SFI1: variants seen among roughly 807,000 people sequenced by gnomAD.
SFI1 encodes the protein protein SFI1 homolog.
SFI1 carries 195 observed loss-of-function variants against 207.5 expected under a neutral mutation model. That is an observed-to-expected ratio of 0.94 (90% confidence interval 0.84 to 1.06). The LOEUF is 1.06. Among genes scored for constraint, SFI1 ranks in the 50% least tolerant of loss-of-function variants. The pLI is 0.00. For synonymous variants in SFI1, 630 were observed against 598.9 expected, an observed-to-expected ratio of 1.05 and a Z score of -0.76; for missense variants, 1,634 against 1,588.0, an observed-to-expected ratio of 1.03 and a Z score of -0.49.
At chr22:31,580,105 G>A (rs1436606742) in intron 11 of SFI1, 167 bp from the exon 12 acceptor site, 7 of 582,754 alleles carry the variant, frequency 1.2e-5, no homozygotes, top group African/African-American at 1.1e-4. Context: ...TAGGCTCCCA[G>A]TTGAATCTCA....
chr22:31,546,691 T>A (rs995324582), intron 4 of SFI1, among the ~76,000 whole-genome samples, 170 bp from the exon 5 acceptor site: 5 of 149,076 alleles, frequency 3.4e-5, no homozygotes, highest in African/African-American at 1.2e-4. Context: ...ATGGTCTCGA[T>A]CTCCTGACCT....
intron 12 of SFI1, among the ~76,000 whole-genome samples, chr22:31,583,248 G>A (rs964803243): frequency 1.3e-5 from 2 of 152,128 alleles, no homozygotes; most frequent in African/African-American, 4.8e-5. Flanking sequence ...CAAGTAGCTG[G>A]GTTTACAGGC....
chr22:31,560,350 A>C (rs1410916978), intron 7 of SFI1, among the ~76,000 whole-genome samples: 1 of 150,586 alleles, frequency 6.6e-6, no homozygotes, highest in Non-Finnish European at 1.5e-5. Context: ...AAGCCACTTG[A>C]TTGCAGATTA....
At chr22:31,606,845 G>A (rs1012842544) in intron 21 of SFI1, 2 of 160,402 alleles carry the variant, frequency 1.2e-5, no homozygotes, top group African/African-American at 4.8e-5. Context: ...CTACAGGCTT[G>A]CGCCACCACG....
At chr22:31,565,729 A>T (rs2062225836) in intron 8 of SFI1, among the ~76,000 whole-genome samples, 1 of 152,046 alleles carries the variant, frequency 6.6e-6, no homozygotes, top group Non-Finnish European at 1.5e-5. Context: ...AGTAAATGGT[A>T]TGGCTTTGTG....
rs1344954036 is a variant in SFI1 at position 31,615,232 on chromosome 22, C to T, written c.3253C>T (p.Leu1085=). ...AAGCACAGGCCCGGAGCTGCTGCTG[C>T]TGCCTCTTTCCTCCTTCATGCCCTG... ...TASTGPELLL[L]PLSSFMPCGA... is the part of the protein sequence containing the mutation. Residue 1085 remains leucine (L), a synonymous_variant, in exon 29 of 33, where the codon CTG becomes TTG. Coordinates refer to ENST00000400288, the MANE Select transcript of SFI1 (RefSeq NM_001007467.3). 2 of 1,538,482 alleles carry T rather than the reference C, an allele frequency of 1.3e-6. No homozygotes were observed. The highest frequency in any genetic ancestry group is 2.8e-5 in the African/African-American group (2 of 72,278).
chr22:31,507,249 A>T (rs1307304359), intron 1 of SFI1, among the ~76,000 whole-genome samples: 1 of 152,194 alleles, frequency 6.6e-6, no homozygotes, highest in African/African-American at 2.4e-5. Context: ...AAAACCAGCA[A>T]TGGGGAAAGG....
chr22:31,564,769 C>G (rs1426846005), intron 8 of SFI1, among the ~76,000 whole-genome samples: 1 of 150,862 alleles, frequency 6.6e-6, no homozygotes, highest in Non-Finnish European at 1.5e-5. Flanking sequence ...CTCGGCCTCC[C>G]AAAGTGCTGG....
intron 2 of SFI1, among the ~76,000 whole-genome samples, chr22:31,509,321 A>C (rs1165709695): frequency 6.6e-6 from 1 of 152,212 alleles, no homozygotes; most frequent in Non-Finnish European, 1.5e-5. Flanking sequence ...GCAGTGGCTC[A>C]GTCCAAGTCC....
chr22:31,510,989 T>G (rs766105903), intron 2 of SFI1, among the ~76,000 whole-genome samples: 8 of 152,130 alleles, frequency 5.3e-5, no homozygotes, highest in Non-Finnish European at 8.8e-5. Context: ...CGCTCTTTTT[T>G]TTCTTAAACT....
In SFI1 at chr22:31,618,401, C is replaced by CGGCAGGCCCTGT; in HGVS notation, c.3714_3725dup (p.Leu1241_Cys1242insTrpGlnAlaLeu). 1 of 1,595,032 alleles carries CGGCAGGCCCTGT rather than the reference C, an allele frequency of 6.3e-7. No homozygotes were observed. The highest frequency in any genetic ancestry group is 8.6e-7 in the Non-Finnish European group (1 of 1,168,862). On this transcript the variant is annotated inframe_insertion, in exon 33 of 33. Coordinates refer to ENST00000400288, the MANE Select transcript of SFI1 (RefSeq NM_001007467.3). ...CTGCGTTGCCCGCATCCAGGCCCTGCGGCAGGCCCTGTGCTAGCGTGTTCG... is the reference window on the plus strand; with the variant it reads ...CTGCGTTGCCCGCATCCAGGCCCTGCGGCAGGCCCTGTGGCAGGCCCTGTGCTAGCGTGTTCG...
chr22:31,509,643 G>A lies in SFI1; in HGVS notation c.92+1267G>A, dbSNP rs180847006. On this transcript the variant is annotated intron_variant, in intron 2 of 32. Coordinates refer to ENST00000400288, the MANE Select transcript of SFI1 (RefSeq NM_001007467.3). ...TCAAATGTTAATATCTTCTGGCAAC[G>A]CCCAGATACACCCAGAAACAATACT... Among the ~76,000 whole-genome samples, 32 of 152,184 alleles carry A rather than the reference G, an allele frequency of 2.1e-4. 1 individual carries two copies. In the South Asian group the frequency reaches 5.8e-3, roughly 28 times the overall value.
rs1307818469 is a variant in SFI1, at chr22:31,611,393, C to G, written c.2415+90C>G. 22 of 1,419,050 alleles carry G rather than the reference C, an allele frequency of 1.6e-5. No individual in the cohort carries two copies. The South Asian group carries it at 2.9e-4, about 18-fold the overall frequency. 87.9% of individuals were successfully genotyped at this position (1,419,050 alleles called of 1,614,324 possible). On this transcript the variant is annotated intron_variant, in intron 23 of 32. Transcript: ENST00000400288. ...ACCATTTCTCAGGAAGGGGTCTTTC[C>G]TGACAGCACTCCATGCAGCCGGTAT... is the stretch of plus-strand genomic sequence containing the variant.
At chr22:31,499,997 A>C (rs1283434929) in intron 1 of SFI1, among the ~76,000 whole-genome samples, 2 of 150,350 alleles carry the variant, frequency 1.3e-5, no homozygotes, top group African/African-American at 4.9e-5. Flanking sequence ...AAAAAAAAAA[A>C]AAAAAACATT....
intron 6 of SFI1, among the ~76,000 whole-genome samples, chr22:31,554,254 G>A (rs932254315): frequency 3.3e-5 from 5 of 151,554 alleles, no homozygotes; most frequent in Non-Finnish European, 7.4e-5. Context: ...TTTTACATAT[G>A]GATCTTGTAT....
chr22:31,613,568 G>T, intron 26 of SFI1, 34 bp from the exon 27 acceptor site: 1 of 1,578,840 alleles, frequency 6.3e-7, no homozygotes, highest in Non-Finnish European at 8.6e-7. Flanking sequence ...AGCAGGCAGG[G>T]TGTGGCATGA....
intron 4 of SFI1, among the ~76,000 whole-genome samples, chr22:31,544,047 G>A (rs907507209): frequency 6.6e-6 from 1 of 152,010 alleles, no homozygotes; most frequent in African/African-American, 2.4e-5. Context: ...AAATTAGCTC[G>A]TTTGGGTGGC....
rs2070820321 is a variant in SFI1, at chr22:31,613,763, G to C, written c.2904G>C (p.Gly968=). 9 of 1,612,968 alleles carry C rather than the reference G, an allele frequency of 5.6e-6. No individual in the cohort carries two copies. The highest frequency in any genetic ancestry group is 6.8e-6 in the Non-Finnish European group (8 of 1,179,814). Residue 968 remains glycine (G), a synonymous_variant, in exon 27 of 33, where the codon GGG becomes GGC. Coordinates refer to ENST00000400288, the MANE Select transcript of SFI1 (RefSeq NM_001007467.3). ...TCAACCGCATTGCTGCTGGGGCTGGGGATGGCACCCTTGAGACCAAGAGGC... is the reference window on the plus strand; with the variant it reads ...TCAACCGCATTGCTGCTGGGGCTGGCGATGGCACCCTTGAGACCAAGAGGC... The part of the protein sequence containing the change: ...PLLNRIAAGA[G]DGTLETKRPQ...
intron 2 of SFI1, 98 bp downstream of exon 2, chr22:31,508,474 T>A: frequency 1.1e-5 from 8 of 736,934 alleles, no homozygotes; most frequent in African/African-American, 1.8e-5. Flanking sequence ...ATGAGTGAGG[T>A]AGTAACTGTG....
Sources: gnomAD v4.1 joint callset for allele counts (sites outside exome capture counted in the v4.1 genomes callset) on GRCh38, gnomAD v4.1.1 for gene constraint, MANE v1.5 for transcripts, NCBI Gene and HGNC (gene_info 2026-07-23, HGNC 2026-07-21) for gene names.